Variants in ACOXL observed in about 807,000 individuals in gnomAD.
The protein encoded by ACOXL is acyl-coenzyme A oxidase-like protein.
ACOXL carries 70 observed loss-of-function variants against 71.9 expected under a neutral mutation model. That is an observed-to-expected ratio of 0.97 (90% CI 0.80 to 1.19). The LOEUF (loss-of-function observed/expected upper bound fraction) is 1.19, where lower values mean the gene tolerates loss of function less well. Ranked by LOEUF, ACOXL falls within the 50% of genes most tolerant of loss-of-function variation. The pLI is 0.00. For synonymous variants in ACOXL, 253 were observed against 281.6 expected (o/e 0.90, Z 1.02); for missense variants, 703 against 736.3 (o/e 0.95, Z 0.52).
chr2:111,083,593 T>C (rs990057105), intron 16 of ACOXL, among the ~76,000 whole-genome samples: 2 of 151,372 alleles, frequency 1.3e-5, no homozygotes, highest in Non-Finnish European at 2.9e-5. Context: ...CACATAAGCA[T>C]GTAGCATTCA....
chr2:110,822,631 A>G (rs1457797507), intron 9 of ACOXL, among the ~76,000 whole-genome samples: 4 of 152,182 alleles, frequency 2.6e-5, no homozygotes, highest in African/African-American at 7.2e-5. Context: ...ATCACAGTCT[A>G]CATTCCATTC....
Position 111,068,055 on chromosome 2 carries a change from A to G in ACOXL, c.1440+18767A>G, listed in dbSNP as rs556839163. ...CCTGACACCTAAAAAATACCCCACA[A>G]ATGGAAGCTGCTCTTGGCTCCCCAC... On this transcript the variant is annotated intron_variant, in intron 16 of 17. Coordinates refer to ENST00000439055, the MANE Select transcript of ACOXL (RefSeq NM_001142807.4). Among the ~76,000 whole-genome samples the G allele has an allele frequency of 3.3e-5, 5 of 152,246 alleles. No individual in the cohort carries two copies. The South Asian group carries it at 1.0e-3, about 32-fold the overall frequency.
At chr2:111,102,373 C>A (rs560090913) in intron 17 of ACOXL, among the ~76,000 whole-genome samples, 1 of 152,344 alleles carries the variant, frequency 6.6e-6, no homozygotes, top group South Asian at 2.1e-4. Flanking sequence ...CACAGTACAG[C>A]TTTGTGTATC....
At chr2:110,757,814 G>A (rs902386370) in intron 1 of ACOXL, among the ~76,000 whole-genome samples, 3 of 151,560 alleles carry the variant, frequency 2.0e-5, no homozygotes, top group African/African-American at 4.8e-5. Flanking sequence ...CAGATAGATC[G>A]ATTGCAAGAA....
intron 15 of ACOXL, among the ~76,000 whole-genome samples, chr2:111,032,015 T>C (rs749459058): frequency 6.6e-6 from 1 of 152,164 alleles, no homozygotes; most frequent in African/African-American, 2.4e-5. Flanking sequence ...GTTGGCAAAA[T>C]GCCTGTCCCT....
At chr2:110,833,167 C>T (rs1404162464) in intron 9 of ACOXL, among the ~76,000 whole-genome samples, 1 of 152,084 alleles carries the variant, frequency 6.6e-6, no homozygotes, top group Admixed American at 6.5e-5. Context: ...TGGAAATAAC[C>T]CAGATATCTT....
intron 5 of ACOXL, among the ~76,000 whole-genome samples, chr2:110,794,817 G>A (rs769125799): frequency 1.3e-5 from 2 of 149,622 alleles, no homozygotes; most frequent in Non-Finnish European, 3.0e-5. Context: ...TTCCCTTCTT[G>A]CTAACTAAAA....
intron 11 of ACOXL, among the ~76,000 whole-genome samples, chr2:110,909,407 C>A (rs2059574140): frequency 6.6e-6 from 1 of 152,052 alleles, no homozygotes; most frequent in African/African-American, 2.4e-5. Context: ...TCATTTCTGC[C>A]TCTCAGCTAT....
At chr2:111,080,847 G>T (rs889464257) in intron 16 of ACOXL, among the ~76,000 whole-genome samples, 1 of 152,134 alleles carries the variant, frequency 6.6e-6, no homozygotes, top group Non-Finnish European at 1.5e-5. Flanking sequence ...TTCATCCCTG[G>T]GATGCAAGGC....
At chr2:111,055,513 C>T (rs2066491943) in intron 16 of ACOXL, among the ~76,000 whole-genome samples, 1 of 152,236 alleles carries the variant, frequency 6.6e-6, no homozygotes, top group Non-Finnish European at 1.5e-5. Flanking sequence ...GCCCAAGGAC[C>T]TCATCTTGGC....
chr2:111,019,254 T>A (rs974788572), intron 14 of ACOXL, among the ~76,000 whole-genome samples: 2 of 152,172 alleles, frequency 1.3e-5, no homozygotes, highest in African/African-American at 4.8e-5. Context: ...ACCAGGACAG[T>A]TAAGGAGGAA....
At chr2:110,798,964 G>A (rs1209425481) in intron 6 of ACOXL, 50 bp from the exon 7 acceptor site, 1 of 1,564,842 alleles carries the variant, frequency 6.4e-7, no homozygotes, top group Admixed American at 1.7e-5. Flanking sequence ...CAGGACATGA[G>A]TAAAGCTATA....
chr2:110,863,128 A>T (rs2148994311), intron 10 of ACOXL, among the ~76,000 whole-genome samples: 1 of 152,386 alleles, frequency 6.6e-6, no homozygotes, highest in Middle Eastern at 3.4e-3. Context: ...AAGATGCAGA[A>T]AACATTTCAT....
At chr2:110,844,556 T>C (rs1691564138) in intron 10 of ACOXL, among the ~76,000 whole-genome samples, 1 of 150,578 alleles carries the variant, frequency 6.6e-6, no homozygotes, top group Admixed American at 6.6e-5. Context: ...TTTTCTTTTT[T>C]TTTTTTTTTG....
intron 14 of ACOXL, among the ~76,000 whole-genome samples, chr2:111,014,683 A>C (rs768583879): frequency 6.6e-6 from 1 of 152,250 alleles, no homozygotes; most frequent in Admixed American, 6.5e-5. Flanking sequence ...TTCAAAAAAC[A>C]TTGAAGAAAT....
At chr2:111,076,212 C>T (rs1017066912) in intron 16 of ACOXL, among the ~76,000 whole-genome samples, 12 of 152,034 alleles carry the variant, frequency 7.9e-5, no homozygotes, top group African/African-American at 2.2e-4. Flanking sequence ...TTCAACTATG[C>T]CTGTGGATCT....
intron 16 of ACOXL, among the ~76,000 whole-genome samples, chr2:111,088,528 G>T (rs2068344859): frequency 6.6e-6 from 1 of 152,152 alleles, no homozygotes; most frequent in Non-Finnish European, 1.5e-5. Context: ...AGCCAGCCCA[G>T]GAACAGAAAA....
chr2:111,007,466 A>G (rs1466101190), intron 14 of ACOXL, among the ~76,000 whole-genome samples: 1 of 152,098 alleles, frequency 6.6e-6, no homozygotes, highest in East Asian at 1.9e-4. Flanking sequence ...ACAGATATTT[A>G]TTTTATGCTT....
chr2:110,876,424 G>T (rs1046856338), intron 10 of ACOXL, among the ~76,000 whole-genome samples: 11 of 152,152 alleles, frequency 7.2e-5, no homozygotes, highest in Non-Finnish European at 1.5e-4. Context: ...AGAGGCTGGG[G>T]TGCTTCCAGC....
Sources: allele counts gnomAD v4.1 joint callset (sites outside exome capture counted in the v4.1 genomes callset), GRCh38; gene constraint gnomAD v4.1.1; transcripts MANE v1.5; gene names NCBI Gene and HGNC (gene_info 2026-07-23, HGNC 2026-07-21).